ZNF17: variants seen among roughly 807,000 people sequenced by gnomAD.
ZNF17 encodes zinc finger protein 17 (HPF3, KOX 10).
A neutral mutation model predicts 7.7 loss-of-function variants in ZNF17; 4 were observed. That is an observed-to-expected ratio of 0.52 (90% confidence interval 0.26 to 1.20). The LOEUF (loss-of-function observed/expected upper bound fraction) is 1.20. ZNF17 is among the 50% of genes most tolerant of loss of function. The pLI, the probability that ZNF17 is intolerant of heterozygous loss-of-function variation, is 0.14. For missense variants in ZNF17, 738 were observed against 799.5 expected, an observed-to-expected ratio of 0.92 and a Z score of 0.93; for synonymous variants, 249 against 258.8, an observed-to-expected ratio of 0.96 and a Z score of 0.36.
chr19:57,414,658 G>C (rs2088800282), intron 2 of ZNF17, among the ~76,000 whole-genome samples: 1 of 151,752 alleles, frequency 6.6e-6, no homozygotes, highest in African/African-American at 2.4e-5. Context: ...AATCTGAGGG[G>C]GGTAGTAGCT....
At position 57,411,386 on chromosome 19, in the gene ZNF17, G is replaced by T; in HGVS notation, c.-41G>T. The stretch of plus-strand genomic sequence containing the variant: ...TTCCCTGGCTGTGCTGGCGGAGGCT[G>T]CGCCGATGAACCTGACTGAGGTGGG... On this transcript the variant is annotated 5_prime_UTR_variant, in exon 1 of 4. Coordinates refer to ENST00000307658, the MANE Select transcript of ZNF17 (RefSeq NM_001330617.2). 6.2e-7 allele frequency: 1 copy of T among 1,612,546 alleles called. No individual in the cohort carries two copies. Among genetic ancestry groups the T allele is most frequent in the Non-Finnish European group, 8.5e-7 (1 of 1,179,520 alleles).
At chr19:57,418,062 G>T in intron 3 of ZNF17, 24 bp downstream of exon 3, 2 of 1,607,542 alleles carry the variant, frequency 1.2e-6, no homozygotes, top group Non-Finnish European at 1.7e-6. Flanking sequence ...ACCTACGTCA[G>T]TGTCTTGTGC....
At chr19:57,416,093 G>A (rs1417532792) in intron 2 of ZNF17, among the ~76,000 whole-genome samples, 1 of 152,130 alleles carries the variant, frequency 6.6e-6, no homozygotes, top group Non-Finnish European at 1.5e-5. Flanking sequence ...GCAAGAATAT[G>A]TGGGTTTGGA....
At chr19:57,412,059 T>TG (rs11388276) in intron 1 of ZNF17, among the ~76,000 whole-genome samples, 41,229 of 151,936 alleles carry the variant, frequency 0.27, 6,007 homozygotes, top group African/African-American at 0.35. Context: ...GGGCAGATCA[T>TG]GGGTGGGTCC....
In ZNF17 at chr19:57,421,502, A is replaced by G. The variant is rs758716948; in HGVS notation, c.*21A>G. On this transcript the variant is annotated 3_prime_UTR_variant, in exon 4 of 4. Transcript: ENST00000307658. Reference sequence around the variant, plus strand: ...GATAAAGAATGTATATATAAAGCAGATGGGGAAAGACTTCACACAGAAATC... The same window carrying G: ...GATAAAGAATGTATATATAAAGCAGGTGGGGAAAGACTTCACACAGAAATC... 26 of 1,557,362 alleles carry G rather than the reference A, an allele frequency of 1.7e-5. No individual in the cohort carries two copies. The highest frequency in any genetic ancestry group is 1.7e-4 in the Middle Eastern group (1 of 5,818).
chr19:57,419,754 A>G lies in ZNF17; in HGVS notation c.268A>G (p.Thr90Ala), dbSNP rs747716737. 3 of 1,614,054 alleles carry G rather than the reference A, an allele frequency of 1.9e-6. No individual in the cohort carries two copies. The African/African-American group carries it at 4.0e-5, about 22-fold the overall frequency. ...LSTQKAQPCE[T>A]CSSLLKDILH... ...CACCCAGAAGGCCCAGCCCTGTGAG[A>G]CATGTAGCTCACTTCTGAAGGACAT... Residue 90 changes from threonine to alanine, a missense_variant, in exon 4 of 4, where the codon ACA becomes GCA. Around this residue, in one of 3 missense-constraint regions of ZNF17, gnomAD observed 616 missense variants for 663.9 expected, o/e 0.93. Coordinates refer to ENST00000307658, the MANE Select transcript of ZNF17 (RefSeq NM_001330617.2).
At position 57,420,763 on chromosome 19, in the gene ZNF17, T is replaced by C; in HGVS notation, c.1277T>C (p.Met426Thr). Residue 426 changes from methionine (M) to threonine (T), a missense_variant, in exon 4 of 4, where the codon ATG (methionine) becomes ACG (threonine). Physicochemically the swap from Met to Thr is moderately conservative, Grantham distance 81 (BLOSUM62 -1). This residue lies in a region of ZNF17 where 616 missense variants were observed against 663.9 expected (regional missense o/e 0.93). Coordinates refer to ENST00000307658, the MANE Select transcript of ZNF17 (RefSeq NM_001330617.2). ...YECSECGKFFMDTSTLIIHQR... is the reference protein window; with the variant it reads ...YECSECGKFFTDTSTLIIHQR... ...TGTAGTGAATGTGGGAAGTTCTTTA[T>C]GGACACTTCCACACTCATTATTCAT... 1.2e-6 allele frequency: 2 copies of C among 1,612,680 alleles called. No homozygotes were observed. The highest frequency in any genetic ancestry group is 1.7e-6 in the Non-Finnish European group (2 of 1,179,556).
rs1267540516 is a variant in ZNF17 at position 57,419,971 on chromosome 19, C to T, written c.485C>T (p.Ser162Leu). 1.2e-6 allele frequency: 2 copies of T among 1,614,176 alleles called. No individual in the cohort carries two copies. The highest frequency in any genetic ancestry group is 1.7e-6 in the Non-Finnish European group (2 of 1,180,032). The change falls in exon 4 of 4, where the codon TCA becomes TTA. Residue 162 changes from serine to leucine, a missense_variant. Transcript: ENST00000307658. ...MQGGKDFTGD[S>L]DLQQQALHSG... The stretch of plus-strand genomic sequence containing the variant: ...GGTGGCAAGGATTTTACTGGTGATT[C>T]AGATCTTCAACAACAGGCTCTTCAC...
chr19:57,412,437 A>G (rs1390622025), intron 1 of ZNF17, among the ~76,000 whole-genome samples: 1 of 133,984 alleles, frequency 7.5e-6, no homozygotes, highest in Non-Finnish European at 1.6e-5. Context: ...TTATTTATGA[A>G]TGTGTAAAAC....
At chr19:57,413,264 CA>C (rs374720894) in intron 1 of ZNF17, 34 of 259,654 alleles carry the variant, frequency 1.3e-4, no homozygotes, top group African/African-American at 7.1e-4. Context: ...AATACACACC[CA>C]AAATTTCAAA....
chr19:57,411,252 G>A lies in ZNF17; in HGVS notation c.-175G>A, dbSNP rs2088773806. 8.0e-7 allele frequency: 1 copy of A among 1,251,946 alleles called. No homozygotes were observed. Among genetic ancestry groups the A allele is most frequent in the Non-Finnish European group, 1.1e-6 (1 of 916,614 alleles). 77.6% of individuals were successfully genotyped at this position (1,251,946 alleles called of 1,614,324 possible). The stretch of plus-strand genomic sequence containing the variant: ...CTGAGGTGAAAAAGCGGAAAAACGC[G>A]AGAAAAGGTTTCCCCGTTGTACAGA... On this transcript the variant is annotated 5_prime_UTR_variant, in exon 1 of 4. Coordinates refer to ENST00000307658, the MANE Select transcript of ZNF17 (RefSeq NM_001330617.2).
chr19:57,414,124 T>G (rs183216158), intron 2 of ZNF17, among the ~76,000 whole-genome samples: 61 of 152,170 alleles, frequency 4.0e-4, no homozygotes, highest in African/African-American at 1.3e-3. Context: ...ACCTCCGCCT[T>G]CCTGGTTCAA....
Position 57,420,635 on chromosome 19 carries a change from T to TG in ZNF17, c.1151dup (p.Glu385ArgfsTer5). On this transcript the variant is annotated frameshift_variant, in exon 4 of 4. Transcript: ENST00000307658. LOFTEE classifies it low-confidence loss of function (END_TRUNC). ...TCATTATTCACCAGAGAGTTCATACTGGAGAAAAACCTTATGAATGCAACG... is the reference window on the plus strand; with the variant it reads ...TCATTATTCACCAGAGAGTTCATACTGGGAGAAAAACCTTATGAATGCAACG... 2 of 1,613,378 alleles carry TG rather than the reference T, an allele frequency of 1.2e-6. No homozygotes were observed. The highest frequency in any genetic ancestry group is 4.5e-5 in the East Asian group (2 of 44,836).
rs1366133597 is a variant in ZNF17, at chr19:57,421,282, T to A, written c.1796T>A (p.Leu599His). ...AAATTTTTTATGGACAGCTCCACAC[T>A]CATTAGTCATGAGAGAGTTCATACT... ...CGKFFMDSSTLISHERVHTGE... is the reference protein window; with the variant it reads ...CGKFFMDSSTHISHERVHTGE... Residue 599 changes from leucine (L) to histidine (H), a missense_variant, in exon 4 of 4, where the codon CTC becomes CAC. Leu to His is a moderately conservative substitution (Grantham distance 99). Transcript: ENST00000307658. 1.2e-6 allele frequency: 2 copies of A among 1,614,000 alleles called. No individual in the cohort carries two copies.
intron 1 of ZNF17, among the ~76,000 whole-genome samples, chr19:57,412,462 T>C (rs2088783922): frequency 6.9e-6 from 1 of 144,586 alleles, no homozygotes; most frequent in Non-Finnish European, 1.5e-5. Context: ...TTTTTTTTTT[T>C]GAGACAGAGT....
At chr19:57,413,281 T>A (rs2088790251) in intron 1 of ZNF17, 1 of 298,322 alleles carries the variant, frequency 3.4e-6, no homozygotes. Context: ...TCAAAACCCT[T>A]CCATGTCATT....
At position 57,420,736 on chromosome 19, in the gene ZNF17, A is replaced by G. The variant is rs2088844762; in HGVS notation, c.1250A>G (p.Glu417Gly). The G allele has an allele frequency of 6.2e-7, 1 of 1,613,860 alleles. No individual in the cohort carries two copies. The highest frequency in any genetic ancestry group is 8.5e-7 in the Non-Finnish European group (1 of 1,179,900). Residue 417 changes from glutamate (E) to glycine (G), a missense_variant, in exon 4 of 4, where the codon GAG becomes GGG. Physicochemically the swap from Glu to Gly is moderately conservative, Grantham distance 98 (BLOSUM62 -2). Coordinates refer to ENST00000307658, the MANE Select transcript of ZNF17 (RefSeq NM_001330617.2). ...GTTCACACTGGAGAAAAGCCTTATG[A>G]GTGTAGTGAATGTGGGAAGTTCTTT... is the stretch of plus-strand genomic sequence containing the variant. ...QKVHTGEKPY[E>G]CSECGKFFMD...
intron 1 of ZNF17, among the ~76,000 whole-genome samples, chr19:57,412,295 G>A (rs1039885769): frequency 4.6e-5 from 7 of 152,222 alleles, no homozygotes; most frequent in African/African-American, 1.7e-4. Context: ...GGGTCCAGAC[G>A]GGGGTAGGGC....
intron 2 of ZNF17, among the ~76,000 whole-genome samples, chr19:57,417,685 A>T (rs888372982): frequency 1.3e-5 from 2 of 151,948 alleles, no homozygotes; most frequent in Non-Finnish European, 2.9e-5. Flanking sequence ...CATCTCTACT[A>T]AAAATACAAA....
Sources: gnomAD v4.1 joint callset for allele counts (sites outside exome capture counted in the v4.1 genomes callset) on GRCh38, gnomAD v4.1.1 for gene constraint, gnomAD v4.1.1 regional missense constraint, MANE v1.5 for transcripts, NCBI Gene and HGNC (gene_info 2026-07-23, HGNC 2026-07-21) for gene names.